The following WDR62 variants were observed in gnomAD, a reference collection of about 807,000 sequenced individuals.
The protein encoded by WDR62 is WD repeat-containing protein 62.
Under a neutral mutation model 160.6 loss-of-function variants are expected in WDR62, and 112 were observed. That is an observed-to-expected ratio of 0.70 (90% CI 0.60 to 0.82). The LOEUF (loss-of-function observed/expected upper bound fraction) is 0.82. Among genes scored for constraint, WDR62 ranks in the 40% least tolerant of loss-of-function variants. WDR62 has a pLI of 0.00. For missense variants in WDR62, 1,819 were observed against 1,983.8 expected (o/e 0.92, Z 1.58); for synonymous variants, 792 against 815.1 (o/e 0.97, Z 0.48).
intron 13 of WDR62, among the ~76,000 whole-genome samples, chr19:36,087,750 C>T (rs1027731325): frequency 1.2e-4 from 18 of 152,132 alleles, no homozygotes; most frequent in African/African-American, 3.9e-4. Flanking sequence ...ATCCAGGAGG[C>T]CAAGGTTGCA....
Position 36,081,461 on chromosome 19 carries a change from C to T in WDR62, c.1262C>T (p.Ala421Val), listed in dbSNP as rs1420038654. 2.5e-6 allele frequency: 4 copies of T among 1,613,984 alleles called. No homozygotes were observed. Among genetic ancestry groups the T allele is most frequent in the African/African-American group, 1.3e-5 (1 of 74,900 alleles). Residue 421 changes from alanine (A) to valine (V), a missense_variant, in exon 10 of 32, where the codon GCT becomes GTT. Physicochemically the swap from Ala to Val is moderately conservative, Grantham distance 64 (BLOSUM62 0). This residue lies in a region of WDR62 where 934 missense variants were observed against 1,157.2 expected (regional missense o/e 0.81). Transcript: ENST00000401500. Reference protein sequence around the residue: ...EVYPEFEDQRACLPSGSFLTC... With the variant: ...EVYPEFEDQRVCLPSGSFLTC... ...TATCCTGAGTTTGAAGACCAGAGAG[C>T]TTGTTTGCCATCAGGATCCTTTCTG... is the stretch of plus-strand genomic sequence containing the variant.
chr19:36,081,925 G>T (rs1420925100), intron 10 of WDR62: 2 of 475,356 alleles, frequency 4.2e-6, no homozygotes, highest in African/African-American at 2.0e-5. Context: ...AGCCCATTCA[G>T]CTGCCACACA....
chr19:36,063,070 G>A (rs1023301526), intron 3 of WDR62, among the ~76,000 whole-genome samples: 2 of 151,862 alleles, frequency 1.3e-5, no homozygotes, highest in African/African-American at 4.8e-5. Context: ...TCAGCCTCCC[G>A]AGTAGCTAGG....
chr19:36,079,986 C>A (rs543379494), intron 9 of WDR62, among the ~76,000 whole-genome samples: 8 of 152,170 alleles, frequency 5.3e-5, no homozygotes, highest in Non-Finnish European at 1.2e-4. Flanking sequence ...ATTTTGAAAT[C>A]TCTTTATATG....
At chr19:36,098,855 G>A (rs545377202) in intron 21 of WDR62, among the ~76,000 whole-genome samples, 3 of 152,178 alleles carry the variant, frequency 2.0e-5, no homozygotes, top group South Asian at 2.1e-4. Flanking sequence ...TTGGGAGGCC[G>A]AAACAGGATT....
Position 36,059,924 on chromosome 19 carries a change from C to T in WDR62, c.270-44C>T, listed in dbSNP as rs1970559838. ...TGGGAATAGAATCATCCCAGGACCC[C>T]AACACTCCCCACAGTTGAGGCACAT... On this transcript the variant is annotated intron_variant, in intron 2 of 31. Transcript: ENST00000401500. The T allele has an allele frequency of 6.8e-6, 11 of 1,607,814 alleles. No homozygotes were observed. The African/African-American group carries it at 1.1e-4, about 16-fold the overall frequency.
At chr19:36,067,270 G>A in intron 5 of WDR62, 36 bp from the exon 6 acceptor site, 1 of 1,613,896 alleles carries the variant, frequency 6.2e-7, no homozygotes, top group East Asian at 2.2e-5. Flanking sequence ...AGTGGAATGA[G>A]TGCTGGCATG....
At chr19:36,086,640 G>T in intron 12 of WDR62, 47 bp from the exon 13 acceptor site, 1 of 1,568,942 alleles carries the variant, frequency 6.4e-7, no homozygotes. Flanking sequence ...GGAGGCCAGG[G>T]CACCCACGCA....
chr19:36,060,101 C>A (rs1434163394), intron 3 of WDR62, 71 bp downstream of exon 3: 32 of 1,452,658 alleles, frequency 2.2e-5, no homozygotes, highest in Non-Finnish European at 3.1e-5. Context: ...CCCTACACAG[C>A]CTGGAGATAC....
chr19:36,101,794 G>A lies in WDR62; in HGVS notation c.3082+20G>A, dbSNP rs778815628. 1.2e-5 allele frequency: 18 copies of A among 1,544,684 alleles called. No individual in the cohort carries two copies. The highest frequency in any genetic ancestry group is 3.6e-5 in the South Asian group (3 of 84,128). On this transcript the variant is annotated intron_variant, in intron 25 of 31. Transcript: ENST00000401500. Reference sequence around the variant, plus strand: ...TCCCAGGTAAGCAGGGGCCAGACACGCAGGGGACTCGCTGCTCGGGCCTGG... The same window carrying A: ...TCCCAGGTAAGCAGGGGCCAGACACACAGGGGACTCGCTGCTCGGGCCTGG...
chr19:36,109,518 G>A (rs1241538892), downstream of WDR62, among the ~76,000 whole-genome samples: 2 of 152,022 alleles, frequency 1.3e-5, no homozygotes, highest in African/African-American at 4.8e-5. Flanking sequence ...TGGATCACTC[G>A]AGGTCAGGAG....
In WDR62 at chr19:36,073,546, C is replaced by T. The variant is rs554017479; in HGVS notation, c.1233+15C>T. On this transcript the variant is annotated intron_variant, in intron 9 of 31. Coordinates refer to ENST00000401500, the MANE Select transcript of WDR62 (RefSeq NM_001083961.2). ...GGAACGTGGAGGTGAGCCCCCCCCC[C>T]ACCCCCTTGCCCCTGCTTGGCCTCT... The T allele has an allele frequency of 4.6e-6, 7 of 1,521,358 alleles. No homozygotes were observed. In the Admixed American group the frequency reaches 6.9e-5, roughly 15 times the overall value. 94.2% of individuals were successfully genotyped at this position (1,521,358 alleles called of 1,614,324 possible).
chr19:36,081,295 T>A (rs1971880700), intron 9 of WDR62, 138 bp from the exon 10 acceptor site: 26 of 1,039,044 alleles, frequency 2.5e-5, no homozygotes, highest in Non-Finnish European at 3.5e-5. Context: ...TTTTTTTTTC[T>A]TGTTTATTTT....
At position 36,084,140 on chromosome 19, in the gene WDR62, G is replaced by A. The variant is rs1329894063; in HGVS notation, c.1551-513G>A. On this transcript the variant is annotated intron_variant, in intron 11 of 31. Coordinates refer to ENST00000401500, the MANE Select transcript of WDR62 (RefSeq NM_001083961.2). ...GACCCCTGATGTAAGTGATGTTATT[G>A]GCACAAGGTGTCTGGAGTAAGATCA... Among the ~76,000 whole-genome samples the A allele has an allele frequency of 2.0e-5, 3 of 152,200 alleles. No individual in the cohort carries two copies. The East Asian group carries it at 5.8e-4, about 29-fold the overall frequency.
At chr19:36,104,168 G>GGACA (rs1301225865) in intron 30 of WDR62, among the ~76,000 whole-genome samples, 187 bp downstream of exon 30, 1 of 152,252 alleles carries the variant, frequency 6.6e-6, no homozygotes, top group Non-Finnish European at 1.5e-5. Flanking sequence ...ATGGGACATG[G>GGACA]TGGTAAACAA....
intron 10 of WDR62, among the ~76,000 whole-genome samples, chr19:36,082,763 G>A (rs1568346440): frequency 6.6e-6 from 1 of 152,244 alleles, no homozygotes; most frequent in African/African-American, 2.4e-5. Flanking sequence ...AGCAGGCTAT[G>A]TCCTCATGAC....
At chr19:36,085,511 C>G (rs550471399) in intron 12 of WDR62, among the ~76,000 whole-genome samples, 16 of 150,008 alleles carry the variant, frequency 1.1e-4, no homozygotes, top group African/African-American at 3.9e-4. Context: ...ACTTCCGCCT[C>G]CCAGGTTGAA....
At position 36,071,518 on chromosome 19, in the gene WDR62, A is replaced by G. The variant is rs1273429025; in HGVS notation, c.883-38A>G. 5 of 1,614,140 alleles carry G rather than the reference A, an allele frequency of 3.1e-6. No homozygotes were observed. In the South Asian group the frequency reaches 5.5e-5, roughly 18 times the overall value. ...CCATATCCCCGGGCCAGGCCACGTG[A>G]AGCACCAAATCCACTGGGGTCCCTT... On this transcript the variant is annotated intron_variant, in intron 7 of 31. Coordinates refer to ENST00000401500, the MANE Select transcript of WDR62 (RefSeq NM_001083961.2).
Position 36,104,437 on chromosome 19 carries a change from C to T in WDR62, c.4154-81C>T. 6 of 1,554,746 alleles carry T rather than the reference C, an allele frequency of 3.9e-6. No homozygotes were observed. In the Admixed American group the frequency reaches 8.5e-5, roughly 22 times the overall value. On this transcript the variant is annotated intron_variant, in intron 30 of 31. Coordinates refer to ENST00000401500, the MANE Select transcript of WDR62 (RefSeq NM_001083961.2). ...AGAAGTGTTCCAGACAGAAGTACAG[C>T]ATGGAGTCCACCCAGTCGCTCTGGC...
Sources: gnomAD v4.1 joint callset for allele counts (sites outside exome capture counted in the v4.1 genomes callset) on GRCh38, gnomAD v4.1.1 for gene constraint, gnomAD v4.1.1 regional missense constraint, MANE v1.5 for transcripts, NCBI Gene and HGNC (gene_info 2026-07-23, HGNC 2026-07-21) for gene names.